The following PRKAG2 variants were observed in gnomAD, a reference collection of about 807,000 sequenced individuals.
PRKAG2 encodes 5'-AMP-activated protein kinase subunit gamma-2.
A neutral mutation model predicts 69.6 loss-of-function variants in PRKAG2; 26 were observed. The observed-to-expected ratio is 0.37, with a 90% CI of 0.27 to 0.52. The LOEUF is 0.52. PRKAG2 is among the 20% of genes least tolerant of loss of function. PRKAG2 has a pLI of 0.90. For synonymous variants in PRKAG2, 293 were observed against 285.0 expected (o/e 1.03, Z -0.28); for missense variants, 557 against 740.0 (o/e 0.75, Z 2.87).
At chr7:151,800,697 C>CAGGGGATT (rs1191765403) in intron 1 of PRKAG2, among the ~76,000 whole-genome samples, 2 of 152,318 alleles carry the variant, frequency 1.3e-5, no homozygotes, top group East Asian at 3.9e-4. Context: ...AGGTGGTGCA[C>CAGGGGATT]AGGGGATTTC....
intron 1 of PRKAG2, among the ~76,000 whole-genome samples, chr7:151,874,011 AGTATAT>A (rs1016991899): frequency 2.8e-5 from 4 of 141,246 alleles, no homozygotes; most frequent in African/African-American, 1.1e-4. Flanking sequence ...TATATGTATA[AGTATAT>A]GTATATGATG....
At chr7:151,819,773 C>T (rs2078726176) in intron 1 of PRKAG2, among the ~76,000 whole-genome samples, 2 of 152,122 alleles carry the variant, frequency 1.3e-5, no homozygotes, top group Non-Finnish European at 2.9e-5. Flanking sequence ...TCCCCTGAGC[C>T]TCAAATGTGG....
Position 151,760,136 on chromosome 7 carries a change from G to C in PRKAG2, c.466+21016C>G, listed in dbSNP as rs185934163. Among the ~76,000 whole-genome samples, 234 of 152,322 alleles carry C rather than the reference G, an allele frequency of 1.5e-3. 2 individuals carry two copies. Among genetic ancestry groups the C allele is most frequent in the Middle Eastern group, 0.01 (3 of 294 alleles). ...AGGCCAGAGAGAACCTAGGAGAAGTGAATATACAGCAGGCAGAGCCCAGAC... is the reference window on the plus strand; with the variant it reads ...AGGCCAGAGAGAACCTAGGAGAAGTCAATATACAGCAGGCAGAGCCCAGAC... On this transcript the variant is annotated intron_variant, in intron 3 of 15. Coordinates refer to ENST00000287878, the MANE Select transcript of PRKAG2 (RefSeq NM_016203.4).
chr7:151,684,627 C>T (rs1346853540), intron 3 of PRKAG2, among the ~76,000 whole-genome samples: 1 of 152,152 alleles, frequency 6.6e-6, no homozygotes, highest in Non-Finnish European at 1.5e-5. Context: ...AAGCTCAGAG[C>T]CAGCTCTAGC....
At chr7:151,575,712 C>T (rs2151038760) in intron 7 of PRKAG2, among the ~76,000 whole-genome samples, 1 of 152,114 alleles carries the variant, frequency 6.6e-6, no homozygotes. Flanking sequence ...ATGTGTGGCC[C>T]AAAGTGGGGC....
intron 1 of PRKAG2, chr7:151,809,152 G>A (rs908799211): frequency 2.5e-5 from 11 of 437,888 alleles, no homozygotes; most frequent in East Asian, 7.0e-5. Context: ...GCCATCCTGC[G>A]TAAATGCCTG....
chr7:151,818,177 A>T (rs1368771482), intron 1 of PRKAG2, among the ~76,000 whole-genome samples: 3 of 152,228 alleles, frequency 2.0e-5, no homozygotes, highest in Non-Finnish European at 4.4e-5. Context: ...GTGACTTCAA[A>T]GAATGACAAA....
Position 151,773,023 on chromosome 7 carries a change from AAGAG to A in PRKAG2, c.466+8125_466+8128del, listed in dbSNP as rs1163334410. ...AAAGAAAGAAAGAAAGAAAGAAAGA[AAGAG>A]AGAGAGAGAGAGAGAGAGAGAGAGA... On this transcript the variant is annotated intron_variant, in intron 3 of 15. Coordinates refer to ENST00000287878, the MANE Select transcript of PRKAG2 (RefSeq NM_016203.4). 5.8e-3 allele frequency among the ~76,000 whole-genome samples: 321 copies of A among 55,028 alleles called. 3 individuals carry two copies. Among genetic ancestry groups the A allele is most frequent in the Non-Finnish European group, 8.7e-3 (246 of 28,356 alleles). 36.1% of individuals were successfully genotyped at this position (55,028 alleles called of 152,430 possible).
intron 8 of PRKAG2, among the ~76,000 whole-genome samples, chr7:151,574,149 G>C (rs1252223017): frequency 6.6e-6 from 1 of 152,116 alleles, no homozygotes; most frequent in South Asian, 2.1e-4. Flanking sequence ...TGAGCATTAC[G>C]CATAAAGCAG....
chr7:151,713,814 G>T (rs1480729817), intron 3 of PRKAG2, among the ~76,000 whole-genome samples: 6 of 152,068 alleles, frequency 3.9e-5, no homozygotes, highest in African/African-American at 1.2e-4. Flanking sequence ...GGCCTGAAGT[G>T]ATCTTCCTAC....
intron 6 of PRKAG2, among the ~76,000 whole-genome samples, chr7:151,586,359 G>A (rs113137290): frequency 4.1e-4 from 62 of 152,180 alleles, no homozygotes; most frequent in Non-Finnish European, 7.2e-4. Context: ...ATTCATGACC[G>A]ATTCCATTCA....
chr7:151,574,027 C>T (rs113411692), intron 8 of PRKAG2, among the ~76,000 whole-genome samples: 2,231 of 151,898 alleles, frequency 0.015, 44 homozygotes, highest in African/African-American at 0.051. Context: ...GATCCACTTA[C>T]TTCGGCTTCC....
chr7:151,658,499 A>G (rs1053736608), intron 4 of PRKAG2, among the ~76,000 whole-genome samples: 6 of 151,714 alleles, frequency 4.0e-5, no homozygotes, highest in Admixed American at 1.3e-4. Context: ...AAAAAAAAAA[A>G]AAGTATTTCA....
intron 1 of PRKAG2, among the ~76,000 whole-genome samples, chr7:151,801,204 C>A (rs1025216365): frequency 1.3e-5 from 2 of 152,164 alleles, no homozygotes; most frequent in Admixed American, 1.3e-4. Context: ...GGCTCCAGGT[C>A]CTTCTAGAAC....
intron 5 of PRKAG2, among the ~76,000 whole-genome samples, chr7:151,617,641 A>C (rs1820502035): frequency 1.3e-5 from 2 of 152,258 alleles, no homozygotes; most frequent in Non-Finnish European, 2.9e-5. Context: ...TAATCATGTT[A>C]ACAGAAAAAA....
At chr7:151,843,822 G>A (rs937513762) in intron 1 of PRKAG2, among the ~76,000 whole-genome samples, 3 of 152,230 alleles carry the variant, frequency 2.0e-5, no homozygotes, top group African/African-American at 4.8e-5. Flanking sequence ...GGTTAAGATC[G>A]GATAGAAATT....
At position 151,557,146 on chromosome 7, in the gene PRKAG2, G is replaced by A. The variant is rs371637024; in HGVS notation, c.*55C>T. The A allele has an allele frequency of 2.2e-4, 363 of 1,613,678 alleles. 1 individual carries two copies. Among genetic ancestry groups the A allele is most frequent in the South Asian group, 2.1e-3 (189 of 91,070 alleles). The stretch of plus-strand genomic sequence containing the variant: ...GCAGCCAGTGTTCATGAGGCAAAAC[G>A]TGACCCAGAGACTTTGTTCAAGTTC... On this transcript the variant is annotated 3_prime_UTR_variant, in exon 16 of 16. Transcript: ENST00000287878.
chr7:151,613,805 AT>A (rs372668253), intron 5 of PRKAG2, among the ~76,000 whole-genome samples: 2,505 of 114,626 alleles, frequency 0.022, 41 homozygotes, highest in African/African-American at 0.058. Context: ...AGTCCCAAGC[AT>A]TTTTTTTTTT....
intron 6 of PRKAG2, among the ~76,000 whole-genome samples, chr7:151,585,334 G>C (rs1811394870): frequency 6.6e-6 from 1 of 152,118 alleles, no homozygotes; most frequent in Non-Finnish European, 1.5e-5. Flanking sequence ...TGGTTCAACG[G>C]CTCAACAGGT....
Sources: allele counts gnomAD v4.1 joint callset (sites outside exome capture counted in the v4.1 genomes callset), GRCh38; gene constraint gnomAD v4.1.1; transcripts MANE v1.5; gene names NCBI Gene and HGNC (gene_info 2026-07-23, HGNC 2026-07-21).